ADGRL3: variants seen among roughly 807,000 people sequenced by gnomAD.
The protein encoded by ADGRL3 is adhesion G protein-coupled receptor L3, also known as calcium-independent alpha-latrotoxin receptor 3.
A neutral mutation model predicts 153.5 loss-of-function variants in ADGRL3; 62 were observed. That is an observed-to-expected ratio of 0.40 (90% CI 0.33 to 0.50). The LOEUF (loss-of-function observed/expected upper bound fraction) is 0.50, where lower values mean the gene tolerates loss of function less well. Among genes scored for constraint, ADGRL3 ranks in the 20% least tolerant of loss-of-function variants. The probability of loss-of-function intolerance (pLI) is 0.47; values close to 1 mark genes in which losing one functional copy is unlikely to be tolerated. For synonymous variants in ADGRL3, 710 were observed against 672.5 expected (o/e 1.06, Z -0.86); for missense variants, 1,641 against 1,859.4 (o/e 0.88, Z 2.16).
At chr4:61,355,817 A>T (rs548879879) in intron 1 of ADGRL3, among the ~76,000 whole-genome samples, 1 of 152,218 alleles carries the variant, frequency 6.6e-6, no homozygotes, top group Admixed American at 6.5e-5. Context: ...AGTGTTGAAT[A>T]AATGGATGAA....
intron 8 of ADGRL3, among the ~76,000 whole-genome samples, chr4:61,737,927 T>A (rs994799447): frequency 1.3e-5 from 2 of 151,926 alleles, no homozygotes; most frequent in Non-Finnish European, 2.9e-5. Flanking sequence ...CATTTTTTCT[T>A]TTTTTTTAAA....
intron 2 of ADGRL3, among the ~76,000 whole-genome samples, chr4:61,389,099 A>G (rs2096773783): frequency 6.6e-6 from 1 of 152,080 alleles, no homozygotes; most frequent in Non-Finnish European, 1.5e-5. Flanking sequence ...GGATTTGTAT[A>G]TTAGAAAGAT....
intron 6 of ADGRL3, among the ~76,000 whole-genome samples, chr4:61,708,800 CATTATTTATTTA>C (rs2095903993): frequency 6.6e-6 from 1 of 151,758 alleles, no homozygotes; most frequent in Non-Finnish European, 1.5e-5. Flanking sequence ...AAACTTTATT[CATTATTTATTTA>C]TTTATTTATT....
chr4:61,811,963 T>C (rs116208342), intron 8 of ADGRL3, among the ~76,000 whole-genome samples: 1,857 of 152,298 alleles, frequency 0.012, 39 homozygotes, highest in African/African-American at 0.042. Flanking sequence ...GTAAATGATA[T>C]ATTTGTATTT....
chr4:61,622,204 C>A (rs1282409960), intron 5 of ADGRL3, among the ~76,000 whole-genome samples: 3 of 152,126 alleles, frequency 2.0e-5, no homozygotes, highest in African/African-American at 7.2e-5. Flanking sequence ...CAAATCTCTT[C>A]ATTTTCATTT....
intron 9 of ADGRL3, among the ~76,000 whole-genome samples, chr4:61,864,870 A>T (rs2098384711): frequency 6.6e-6 from 1 of 152,210 alleles, no homozygotes; most frequent in South Asian, 2.1e-4. Flanking sequence ...GAAGCTGTGG[A>T]ACTAAAATGA....
intron 8 of ADGRL3, among the ~76,000 whole-genome samples, chr4:61,795,889 T>C (rs1017963153): frequency 3.3e-5 from 5 of 152,078 alleles, no homozygotes; most frequent in African/African-American, 1.2e-4. Context: ...GTCGCCCAGG[T>C]TGGAGTGCAG....
At chr4:61,995,383 G>A (rs947887027) in intron 19 of ADGRL3, among the ~76,000 whole-genome samples, 5 of 151,842 alleles carry the variant, frequency 3.3e-5, no homozygotes, top group Non-Finnish European at 7.4e-5. Flanking sequence ...TTAGGTTTAA[G>A]TAACTTTTAT....
intron 1 of ADGRL3, among the ~76,000 whole-genome samples, chr4:61,239,988 G>A (rs911130123): frequency 2.6e-5 from 4 of 152,044 alleles, no homozygotes; most frequent in African/African-American, 9.7e-5. Flanking sequence ...TACCTCATTG[G>A]GATTGTCTTA....
intron 2 of ADGRL3, among the ~76,000 whole-genome samples, chr4:61,401,635 T>C (rs1331145829): frequency 6.6e-6 from 1 of 152,000 alleles, no homozygotes; most frequent in African/African-American, 2.4e-5. Context: ...AGGAAACATA[T>C]GGTCTAGTGG....
intron 1 of ADGRL3, among the ~76,000 whole-genome samples, chr4:61,364,090 G>A (rs1289550599): frequency 6.6e-6 from 1 of 151,952 alleles, no homozygotes; most frequent in Non-Finnish European, 1.5e-5. Context: ...TCAGCACCTT[G>A]GGAGGCCAAG....
At chr4:61,961,269 C>T (rs1017113067) in intron 17 of ADGRL3, among the ~76,000 whole-genome samples, 1 of 152,150 alleles carries the variant, frequency 6.6e-6, no homozygotes, top group Non-Finnish European at 1.5e-5. Flanking sequence ...TGCTTTCCCT[C>T]CTTCTGTGCC....
chr4:61,571,892 A>T (rs2098840564), intron 4 of ADGRL3, among the ~76,000 whole-genome samples: 1 of 152,200 alleles, frequency 6.6e-6, no homozygotes, highest in South Asian at 2.1e-4. Context: ...CAGCATTCAT[A>T]TTCATTACAT....
intron 1 of ADGRL3, among the ~76,000 whole-genome samples, chr4:61,217,730 T>C (rs1394950): frequency 0.6 from 91,627 of 151,714 alleles, 28,305 homozygotes; most frequent in Middle Eastern, 0.69. Flanking sequence ...TGTATCTGTT[T>C]GTATTGTGAC....
rs1192316772 is a variant in ADGRL3, at chr4:62,072,285, T to C, written c.*1377T>C. 6.6e-6 allele frequency: 1 copy of C among 152,590 alleles called. No individual in the cohort carries two copies. The highest frequency in any genetic ancestry group is 1.5e-5 in the Non-Finnish European group (1 of 68,026). 9.5% of individuals were successfully genotyped at this position (152,590 alleles called of 1,614,324 possible). A position where few individuals can be genotyped will look rare whatever the true frequency, so the allele number is the denominator to read the frequency against. The stretch of plus-strand genomic sequence containing the variant: ...ATTTATTTGACAGGATTTTGAGTAA[T>C]GTAGGAATACAAAAGGTAAATTAGC... On this transcript the variant is annotated 3_prime_UTR_variant, in exon 27 of 27. Transcript: ENST00000683033.
chr4:61,296,561 T>C (rs1024786354), intron 1 of ADGRL3, among the ~76,000 whole-genome samples: 3 of 152,204 alleles, frequency 2.0e-5, no homozygotes, highest in African/African-American at 7.2e-5. Flanking sequence ...ATGCACAGTA[T>C]GGATAATAGA....
chr4:61,899,600 C>G (rs987277401), intron 11 of ADGRL3, among the ~76,000 whole-genome samples: 2 of 152,156 alleles, frequency 1.3e-5, no homozygotes, highest in Non-Finnish European at 2.9e-5. Flanking sequence ...TTAATGTACC[C>G]TGAAGGGTGA....
In ADGRL3 at chr4:61,814,226, A is replaced by AT. The variant is rs1187248140; in HGVS notation, c.1480+350dup. ...TGGGACCTTCTTTTTCTACTATCTT[A>AT]TTTTTTTTTTTTTACATTAAGATGT... On this transcript the variant is annotated intron_variant, in intron 9 of 26. Transcript: ENST00000683033. Among the ~76,000 whole-genome samples the AT allele has an allele frequency of 7.8e-3, 1,114 of 143,204 alleles. 14 individuals carry two copies. The highest frequency in any genetic ancestry group is 0.024 in the African/African-American group (924 of 39,288). 93.9% of individuals were successfully genotyped at this position (143,204 alleles called of 152,430 possible). A position where few individuals can be genotyped will look rare whatever the true frequency, so the allele number is the denominator to read the frequency against.
chr4:61,681,553 A>G (rs1017254214), intron 6 of ADGRL3, among the ~76,000 whole-genome samples: 32 of 152,108 alleles, frequency 2.1e-4, no homozygotes, highest in African/African-American at 7.7e-4. Flanking sequence ...CTTTCTCACT[A>G]GTCACATTAG....
Sources: gnomAD v4.1 joint callset for allele counts (sites outside exome capture counted in the v4.1 genomes callset) on GRCh38, gnomAD v4.1.1 for gene constraint, MANE v1.5 for transcripts, NCBI Gene and HGNC (gene_info 2026-07-23, HGNC 2026-07-21) for gene names.